SNX7: variants seen among roughly 807,000 people sequenced by gnomAD.
The protein encoded by SNX7 is sorting nexin-7.
A neutral mutation model predicts 48.4 loss-of-function variants in SNX7; 35 were observed. The observed-to-expected ratio is 0.72, with a 90% CI of 0.55 to 0.96. The LOEUF is 0.96. SNX7 is among the 40% of genes least tolerant of loss of function. SNX7 has a pLI of 0.00. For missense variants in SNX7, 553 were observed against 548.9 expected (o/e 1.01, Z -0.07); for synonymous variants, 190 against 190.2 (o/e 1.00, Z 0.01).
chr1:98,662,130 TC>T, intron 1 of SNX7: 1 of 395,096 alleles, frequency 2.5e-6, no homozygotes, highest in East Asian at 3.7e-5. Flanking sequence ...CGCTCCCTCC[TC>T]CGCACTTTGA....
chr1:98,747,737 A>G (rs973588122), intron 8 of SNX7, among the ~76,000 whole-genome samples: 1 of 152,170 alleles, frequency 6.6e-6, no homozygotes, highest in Admixed American at 6.5e-5. Flanking sequence ...CAATGGTAGA[A>G]TTAAGTTTAA....
intron 7 of SNX7, among the ~76,000 whole-genome samples, chr1:98,727,250 A>G (rs1217474864): frequency 1.3e-5 from 2 of 152,146 alleles, no homozygotes; most frequent in African/African-American, 4.8e-5. Flanking sequence ...TTTTCTACCA[A>G]ATTTATTTTG....
chr1:98,679,950 C>A lies in SNX7; in HGVS notation c.181-4935C>A, dbSNP rs557912555. 4.0e-4 allele frequency among the ~76,000 whole-genome samples: 61 copies of A among 152,342 alleles called. No individual in the cohort carries two copies. The South Asian group carries it at 6.8e-3, about 17-fold the overall frequency. On this transcript the variant is annotated intron_variant, in intron 1 of 8. Coordinates refer to ENST00000306121, the MANE Select transcript of SNX7 (RefSeq NM_015976.5). ...GAGGATGATGGCCCTCTTCTCACAG[C>A]TCCACTAGGTGGTGCCCCAGTAGGG...
intron 7 of SNX7, among the ~76,000 whole-genome samples, chr1:98,729,390 C>A (rs1653364791): frequency 6.6e-6 from 1 of 151,898 alleles, no homozygotes; most frequent in Admixed American, 6.6e-5. Flanking sequence ...AAAGAGCAAA[C>A]AAACTCCAGA....
At chr1:98,746,462 G>T (rs894456562) in intron 8 of SNX7, among the ~76,000 whole-genome samples, 2 of 152,040 alleles carry the variant, frequency 1.3e-5, no homozygotes, top group African/African-American at 4.8e-5. Context: ...TCTTAGGAAA[G>T]AAACCTAGTC....
chr1:98,691,338 AT>A (rs36004083), intron 3 of SNX7, among the ~76,000 whole-genome samples, 153 bp downstream of exon 3: 24,110 of 150,058 alleles, frequency 0.16, 2,073 homozygotes, highest in Middle Eastern at 0.22. Context: ...ATCAATGTAC[AT>A]TTTTTTTTTA....
chr1:98,728,648 T>A (rs1653321514), intron 7 of SNX7, among the ~76,000 whole-genome samples: 1 of 152,214 alleles, frequency 6.6e-6, no homozygotes. Context: ...GGGGTTGCAA[T>A]CCTAGTTTCT....
chr1:98,688,320 A>G (rs1205804524), intron 2 of SNX7, among the ~76,000 whole-genome samples: 2 of 152,164 alleles, frequency 1.3e-5, no homozygotes, highest in African/African-American at 4.8e-5. Context: ...TGTTCTTTTT[A>G]TGGGAAATTA....
chr1:98,677,528 GAGTTATAAATATGGAAA>G (rs1020835922), intron 1 of SNX7, among the ~76,000 whole-genome samples: 5 of 152,106 alleles, frequency 3.3e-5, no homozygotes, highest in African/African-American at 1.2e-4. Flanking sequence ...CTGACTAAAA[GAGTTATAAATATGGAAA>G]AGGGAAAGGC....
intron 8 of SNX7, among the ~76,000 whole-genome samples, chr1:98,745,933 G>A (rs1232994010): frequency 6.6e-6 from 1 of 151,976 alleles, no homozygotes; most frequent in East Asian, 1.9e-4. Context: ...CATTGTTATT[G>A]ATTATTTAAT....
At chr1:98,664,868 G>C (rs1257709635) in intron 1 of SNX7, among the ~76,000 whole-genome samples, 1 of 151,798 alleles carries the variant, frequency 6.6e-6, no homozygotes, top group Non-Finnish European at 1.5e-5. Context: ...TACAAAAACA[G>C]TAAAAATAAA....
At chr1:98,694,097 G>A (rs1482985607) in intron 4 of SNX7, among the ~76,000 whole-genome samples, 10 of 152,158 alleles carry the variant, frequency 6.6e-5, no homozygotes, top group Admixed American at 2.6e-4. Flanking sequence ...TCAGCTGGGC[G>A]CGGTGGCTCA....
chr1:98,728,199 C>T (rs1191499801), intron 7 of SNX7, among the ~76,000 whole-genome samples: 1 of 152,114 alleles, frequency 6.6e-6, no homozygotes. Flanking sequence ...TAGCAGAAAC[C>T]CTGCAAGCCA....
chr1:98,711,174 G>A (rs1362618158), intron 7 of SNX7, among the ~76,000 whole-genome samples: 2 of 151,928 alleles, frequency 1.3e-5, no homozygotes, highest in Non-Finnish European at 2.9e-5. Flanking sequence ...ACGCCACCAC[G>A]CCCAGCTAAT....
intron 1 of SNX7, among the ~76,000 whole-genome samples, chr1:98,673,862 C>T (rs1020599508): frequency 2.6e-5 from 4 of 152,170 alleles, no homozygotes; most frequent in African/African-American, 9.7e-5. Context: ...GTTGCTAAGG[C>T]ACATAGTCTC....
intron 5 of SNX7, among the ~76,000 whole-genome samples, chr1:98,698,191 G>A (rs1432864555): frequency 1.3e-5 from 2 of 152,112 alleles, no homozygotes; most frequent in African/African-American, 4.8e-5. Context: ...TAAGTACATA[G>A]GTAGATGGAT....
In SNX7 at chr1:98,738,397, GTGT is replaced by G; in HGVS notation, c.1278+13_1278+15del. 2 of 1,611,208 alleles carry G rather than the reference GTGT, an allele frequency of 1.2e-6. No individual in the cohort carries two copies. The highest frequency in any genetic ancestry group is 1.7e-6 in the Non-Finnish European group (2 of 1,178,374). On this transcript the variant is annotated intron_variant, in intron 8 of 8. Transcript: ENST00000306121. ...ATCCATTATTATGAACAGGTAATTA[GTGT>G]TGTTTGATATTGCTTCATTTTAAAG...
chr1:98,720,955 A>G (rs1652837296), intron 7 of SNX7, among the ~76,000 whole-genome samples: 2 of 152,130 alleles, frequency 1.3e-5, no homozygotes, highest in Admixed American at 1.3e-4. Context: ...GATTAAAACT[A>G]CAGTGTACAC....
At chr1:98,751,898 T>C (rs1175125897) in intron 8 of SNX7, among the ~76,000 whole-genome samples, 1 of 152,162 alleles carries the variant, frequency 6.6e-6, no homozygotes, top group Non-Finnish European at 1.5e-5. Flanking sequence ...TCTCCCATGA[T>C]AGTATGAGAA....
Sources: allele counts gnomAD v4.1 joint callset (sites outside exome capture counted in the v4.1 genomes callset), GRCh38; gene constraint gnomAD v4.1.1; transcripts MANE v1.5; gene names NCBI Gene and HGNC (gene_info 2026-07-23, HGNC 2026-07-21).